ANKRD31: variants seen among roughly 807,000 people sequenced by gnomAD.
The protein encoded by ANKRD31 is ankyrin repeat domain 31, also known as ankyrin repeat domain-containing protein 31.
Under a neutral mutation model 186.0 loss-of-function variants are expected in ANKRD31, and 147 were observed. That is an observed-to-expected ratio of 0.79 (90% CI 0.69 to 0.91). ANKRD31 has a LOEUF of 0.91. ANKRD31 is among the 40% of genes least tolerant of loss of function. The pLI is 0.00. For missense variants in ANKRD31, 1,986 were observed against 2,148.8 expected (o/e 0.92, Z 1.50); for synonymous variants, 673 against 736.4 (o/e 0.91, Z 1.39).
chr5:75,127,892 G>T (rs189827567), intron 17 of ANKRD31, among the ~76,000 whole-genome samples: 5 of 152,204 alleles, frequency 3.3e-5, no homozygotes, highest in Admixed American at 6.5e-5. Flanking sequence ...TTAATATTTT[G>T]ATATAATGAT....
chr5:75,190,262 C>T (rs1259916350), intron 9 of ANKRD31, among the ~76,000 whole-genome samples: 1 of 152,118 alleles, frequency 6.6e-6, no homozygotes, highest in Non-Finnish European at 1.5e-5. Context: ...CTCAAGCGAT[C>T]CACCCACTTC....
chr5:75,132,066 G>C (rs1749891182), intron 17 of ANKRD31, among the ~76,000 whole-genome samples: 1 of 152,226 alleles, frequency 6.6e-6, no homozygotes, highest in African/African-American at 2.4e-5. Flanking sequence ...GGAGAAACCA[G>C]AGCAGAAAAG....
Position 75,104,434 on chromosome 5 carries a change from T to C in ANKRD31, c.5125A>G (p.Lys1709Glu). 1 of 1,537,220 alleles carries C rather than the reference T, an allele frequency of 6.5e-7. No homozygotes were observed. Among genetic ancestry groups the C allele is most frequent in the Non-Finnish European group, 8.7e-7 (1 of 1,146,906 alleles). Reference protein sequence around the residue: ...VLGSDTVHQMKPYLKKSVSVV... With the variant: ...VLGSDTVHQMEPYLKKSVSVV... Reference sequence around the variant, plus strand: ...GAAACTGATTTTTTAAGATATGGTTTCATCTGATGCACTGTATCACTGCCT... The same window carrying C: ...GAAACTGATTTTTTAAGATATGGTTCCATCTGATGCACTGTATCACTGCCT... Residue 1709 changes from lysine to glutamate, a missense_variant, in exon 22 of 26, where the codon AAA becomes GAA. Lys to Glu is a moderately conservative substitution (Grantham distance 56, BLOSUM62 1). Transcript: ENST00000506364.
chr5:75,091,974 A>C (rs1334518505), intron 22 of ANKRD31, among the ~76,000 whole-genome samples: 1 of 152,080 alleles, frequency 6.6e-6, no homozygotes, highest in East Asian at 1.9e-4. Context: ...CAAACGGAAA[A>C]CACATGAAGC....
chr5:75,137,531 A>G (rs985866661), intron 17 of ANKRD31, among the ~76,000 whole-genome samples: 1 of 152,206 alleles, frequency 6.6e-6, no homozygotes, highest in African/African-American at 2.4e-5. Context: ...TATCATCACT[A>G]TAATTAGACT....
At chr5:75,118,470 G>T (rs1748477315) in intron 17 of ANKRD31, among the ~76,000 whole-genome samples, 173 bp from the exon 18 acceptor site, 1 of 152,056 alleles carries the variant, frequency 6.6e-6, no homozygotes, top group Non-Finnish European at 1.5e-5. Context: ...AATCCAATTT[G>T]GACTGATTAG....
chr5:75,094,075 G>A, intron 22 of ANKRD31, among the ~76,000 whole-genome samples: 1 of 152,128 alleles, frequency 6.6e-6, no homozygotes. Flanking sequence ...AATAGATACA[G>A]AAGTTAGTGC....
intron 25 of ANKRD31, among the ~76,000 whole-genome samples, chr5:75,071,195 C>G (rs2149995111): frequency 6.6e-6 from 1 of 151,508 alleles, no homozygotes; most frequent in African/African-American, 2.4e-5. Context: ...AGAATCACTG[C>G]TTATAGTTCT....
At chr5:75,121,055 C>T (rs532523814) in intron 17 of ANKRD31, among the ~76,000 whole-genome samples, 18 of 151,852 alleles carry the variant, frequency 1.2e-4, no homozygotes, top group South Asian at 2.1e-4. Context: ...TGGTGGCGTG[C>T]GCCTGTAATC....
intron 22 of ANKRD31, among the ~76,000 whole-genome samples, chr5:75,094,616 T>C (rs1746172473): frequency 6.6e-6 from 1 of 151,872 alleles, no homozygotes; most frequent in Admixed American, 6.6e-5. Context: ...AAAGGAAGTA[T>C]AGAGGAACAA....
At chr5:75,083,377 TCAAA>T (rs1158706305) in intron 24 of ANKRD31, among the ~76,000 whole-genome samples, 1 of 152,156 alleles carries the variant, frequency 6.6e-6, no homozygotes, top group Non-Finnish European at 1.5e-5. Flanking sequence ...AACCAGGTGC[TCAAA>T]CAAATATACA....
At chr5:75,200,689 G>GAT (rs1267084692) in intron 5 of ANKRD31, among the ~76,000 whole-genome samples, 2 of 150,770 alleles carry the variant, frequency 1.3e-5, no homozygotes, top group Non-Finnish European at 1.5e-5. Flanking sequence ...AAGGTGGGCA[G>GAT]ATCACTTGAG....
At chr5:75,227,100 C>T (rs1199140121) in intron 2 of ANKRD31, among the ~76,000 whole-genome samples, 1 of 151,986 alleles carries the variant, frequency 6.6e-6, no homozygotes. Context: ...TACTATTCAG[C>T]CATGAAAAAG....
At chr5:75,152,671 T>C (rs1298763731) in intron 12 of ANKRD31, among the ~76,000 whole-genome samples, 1 of 152,022 alleles carries the variant, frequency 6.6e-6, no homozygotes, top group African/African-American at 2.4e-5. Flanking sequence ...GCCTACTACG[T>C]ACAAGTCACT....
In ANKRD31 at chr5:75,104,776, C is replaced by T. The variant is rs748746716; in HGVS notation, c.4783G>A (p.Asp1595Asn). Residue 1595 changes from aspartate to asparagine, a missense_variant, in exon 22 of 26, where the codon GAT becomes AAT. Physicochemically the swap from Asp to Asn is conservative, Grantham distance 23 (BLOSUM62 1). Transcript: ENST00000506364. ...GGTAATTTATTCTTCTCTGTGCCAT[C>T]TGAATGTCTGGATTTTGGAAAACCA... Reference protein sequence around the residue: ...LDGFPKSRHSDGTEKNKLPSQ... With the variant: ...LDGFPKSRHSNGTEKNKLPSQ... The T allele has an allele frequency of 1.9e-5, 29 of 1,537,220 alleles. No homozygotes were observed. The South Asian group carries it at 3.4e-4, about 18-fold the overall frequency.
intron 10 of ANKRD31, among the ~76,000 whole-genome samples, chr5:75,176,709 C>A (rs1391399851): frequency 6.6e-6 from 1 of 152,124 alleles, no homozygotes; most frequent in Non-Finnish European, 1.5e-5. Context: ...AAAGAAAGGA[C>A]ATCCACACCA....
intron 5 of ANKRD31, among the ~76,000 whole-genome samples, chr5:75,200,858 G>A (rs1206385923): frequency 6.6e-6 from 1 of 151,132 alleles, no homozygotes; most frequent in Non-Finnish European, 1.5e-5. Context: ...GTTGCAGTGA[G>A]CCGCGATTAC....
At chr5:75,187,871 C>T (rs1394012934) in intron 10 of ANKRD31, among the ~76,000 whole-genome samples, 1 of 152,082 alleles carries the variant, frequency 6.6e-6, no homozygotes, top group Non-Finnish European at 1.5e-5. Context: ...AGTATGGACA[C>T]CCAAAAGCAC....
rs189026370 is a variant in ANKRD31 at position 75,098,153 on chromosome 5, C to T, written c.5331+6075G>A. ...GACTACAGGCGCCCACCACCATGCCCGGCTAATTTTTTTGTATTTTTAGTA... is the reference window on the plus strand; with the variant it reads ...GACTACAGGCGCCCACCACCATGCCTGGCTAATTTTTTTGTATTTTTAGTA... On this transcript the variant is annotated intron_variant, in intron 22 of 25. Coordinates refer to ENST00000506364, the MANE Select transcript of ANKRD31 (RefSeq NM_001372053.1). Among the ~76,000 whole-genome samples, 45 of 152,150 alleles carry T rather than the reference C, an allele frequency of 3.0e-4. 1 individual carries two copies. The East Asian group carries it at 7.9e-3, about 27-fold the overall frequency.
Sources: allele counts gnomAD v4.1 joint callset (sites outside exome capture counted in the v4.1 genomes callset), GRCh38; gene constraint gnomAD v4.1.1; transcripts MANE v1.5; gene names NCBI Gene and HGNC (gene_info 2026-07-23, HGNC 2026-07-21).